RIT2: variants seen among roughly 807,000 people sequenced by gnomAD.
RIT2 encodes the protein Ras like without CAAX 2.
A neutral mutation model predicts 23.7 loss-of-function variants in RIT2; 24 were observed. That is an observed-to-expected ratio of 1.01 (90% CI 0.73 to 1.43). The LOEUF (loss-of-function observed/expected upper bound fraction) is 1.43, where lower values mean the gene tolerates loss of function less well. Ranked by LOEUF, RIT2 falls within the 40% of genes most tolerant of loss-of-function variation. RIT2 has a pLI of 0.00. For synonymous variants in RIT2, 107 were observed against 91.1 expected, an observed-to-expected ratio of 1.17 and a Z score of -0.99; for missense variants, 236 against 266.9, an observed-to-expected ratio of 0.88 and a Z score of 0.81.
chr18:43,111,669 A>G (rs1913956979), intron 1 of RIT2, among the ~76,000 whole-genome samples: 1 of 152,196 alleles, frequency 6.6e-6, no homozygotes, highest in Non-Finnish European at 1.5e-5. Context: ...TCTAGTCCTC[A>G]TCCTATACAT....
chr18:42,770,143 C>T (rs1913517570), intron 4 of RIT2, among the ~76,000 whole-genome samples: 1 of 151,894 alleles, frequency 6.6e-6, no homozygotes, highest in South Asian at 2.1e-4. Context: ...AGGAAGAATA[C>T]GGAATTGTCC....
intron 4 of RIT2, among the ~76,000 whole-genome samples, chr18:42,787,714 A>G (rs995568072): frequency 6.6e-6 from 1 of 152,122 alleles, no homozygotes. Flanking sequence ...AACTATTTTT[A>G]TCAGTCTCAT....
chr18:43,073,410 T>G (rs370070189), intron 1 of RIT2, among the ~76,000 whole-genome samples: 29 of 152,334 alleles, frequency 1.9e-4, no homozygotes, highest in South Asian at 1.0e-3. Flanking sequence ...GCTGCCAATA[T>G]TTTGTTCCTT....
chr18:43,055,109 T>C (rs1319738381), intron 1 of RIT2, among the ~76,000 whole-genome samples: 1 of 152,126 alleles, frequency 6.6e-6, no homozygotes, highest in Non-Finnish European at 1.5e-5. Context: ...TTTCTATGCC[T>C]TCTGAAAATA....
intron 1 of RIT2, among the ~76,000 whole-genome samples, chr18:43,048,166 A>T (rs373376375): frequency 3.3e-5 from 5 of 152,290 alleles, no homozygotes; most frequent in African/African-American, 9.6e-5. Flanking sequence ...CAACCATTTT[A>T]TTATATGGTT....
Position 42,801,619 on chromosome 18 carries a change from A to C in RIT2, c.427-57899T>G, listed in dbSNP as rs567541554. ...ATTTCCCATCTGAAATTCTGCAGCA[A>C]TAATGAAAATAAGCACTAACTTATG... On this transcript the variant is annotated intron_variant, in intron 4 of 4. Transcript: ENST00000326695. Among the ~76,000 whole-genome samples the C allele has an allele frequency of 6.6e-5, 10 of 152,318 alleles. No homozygotes were observed. The South Asian group carries it at 2.1e-3, about 32-fold the overall frequency.
intron 3 of RIT2, among the ~76,000 whole-genome samples, chr18:42,933,992 T>TG (rs1909392004): frequency 7.2e-6 from 1 of 138,646 alleles, no homozygotes; most frequent in Non-Finnish European, 1.5e-5. Context: ...CACTCCAGCC[T>TG]GGTGACAGAG....
At chr18:42,744,614 C>T (rs1912875732) in intron 4 of RIT2, among the ~76,000 whole-genome samples, 1 of 151,890 alleles carries the variant, frequency 6.6e-6, no homozygotes, top group Admixed American at 6.6e-5. Flanking sequence ...GATATTAATA[C>T]CTACCTCAAA....
At chr18:42,790,541 C>G (rs1598654950) in intron 4 of RIT2, among the ~76,000 whole-genome samples, 2 of 152,190 alleles carry the variant, frequency 1.3e-5, no homozygotes, top group African/African-American at 4.8e-5. Flanking sequence ...CTCCTGGGTT[C>G]AAGCAGCCTA....
At chr18:42,858,555 T>C (rs1462608933) in intron 4 of RIT2, among the ~76,000 whole-genome samples, 1 of 152,200 alleles carries the variant, frequency 6.6e-6, no homozygotes, top group Non-Finnish European at 1.5e-5. Flanking sequence ...GGAATGTAAT[T>C]AACATACCAT....
intron 1 of RIT2, among the ~76,000 whole-genome samples, chr18:43,050,008 C>T (rs1246692885): frequency 5.3e-5 from 4 of 75,468 alleles, no homozygotes; most frequent in East Asian, 8.8e-4. Flanking sequence ...TTTTAATGAA[C>T]GAGACATACT....
rs573700194 is a variant in RIT2 at position 42,807,377 on chromosome 18, G to A, written c.427-63657C>T. Among the ~76,000 whole-genome samples the A allele has an allele frequency of 3.3e-5, 5 of 152,300 alleles. 1 individual carries two copies. The highest frequency in any genetic ancestry group is 6.8e-3 in the Middle Eastern group (2 of 294). On this transcript the variant is annotated intron_variant, in intron 4 of 4. Transcript: ENST00000326695. The stretch of plus-strand genomic sequence containing the variant: ...CATTCCTGTAATTCCAGCACTTTGG[G>A]AAACCAAGGCAGGCGGATCACCTGA...
At chr18:42,770,089 C>T (rs1418133359) in intron 4 of RIT2, among the ~76,000 whole-genome samples, 1 of 151,812 alleles carries the variant, frequency 6.6e-6, no homozygotes, top group Non-Finnish European at 1.5e-5. Flanking sequence ...CCAGAGACTG[C>T]TTCATAGGGT....
intron 2 of RIT2, among the ~76,000 whole-genome samples, chr18:42,985,675 AT>A (rs1225925147): frequency 6.6e-6 from 1 of 152,174 alleles, no homozygotes; most frequent in African/African-American, 2.4e-5. Flanking sequence ...AAATATTGTA[AT>A]TTATATATTG....
chr18:43,039,137 T>C (rs1317257328), intron 1 of RIT2, among the ~76,000 whole-genome samples: 4 of 152,150 alleles, frequency 2.6e-5, no homozygotes, highest in Admixed American at 6.5e-5. Flanking sequence ...TTATCACTGC[T>C]GTGAAACATA....
chr18:42,937,960 T>C (rs957742019), intron 3 of RIT2, among the ~76,000 whole-genome samples: 2 of 152,160 alleles, frequency 1.3e-5, no homozygotes, highest in Admixed American at 6.5e-5. Context: ...TCCCTCTGAC[T>C]GAGGACTCCA....
At position 43,086,664 on chromosome 18, in the gene RIT2, G is replaced by A. The variant is rs1913290022; in HGVS notation, c.103+28753C>T. ...CGGCTGGCCAGAACAAGGCCCAGGG[G>A]CTCCCGTGACCAGTGAAATAAAGCA... On this transcript the variant is annotated intron_variant, in intron 1 of 4. Transcript: ENST00000326695. 2.0e-5 allele frequency among the ~76,000 whole-genome samples: 3 copies of A among 152,096 alleles called. No homozygotes were observed. In the South Asian group the frequency reaches 6.2e-4, roughly 32 times the overall value.
intron 4 of RIT2, among the ~76,000 whole-genome samples, chr18:42,830,475 A>T (rs1279097606): frequency 6.6e-6 from 1 of 152,214 alleles, no homozygotes. Context: ...GTTGCTGAGG[A>T]ATTTTCCAGG....
intron 4 of RIT2, among the ~76,000 whole-genome samples, chr18:42,782,687 A>G (rs1598651794): frequency 6.6e-6 from 1 of 152,276 alleles, no homozygotes; most frequent in Admixed American, 6.5e-5. Context: ...AGTGTTCATA[A>G]GGAGAATCAT....
Sources: allele counts gnomAD v4.1 joint callset (sites outside exome capture counted in the v4.1 genomes callset), GRCh38; gene constraint gnomAD v4.1.1; transcripts MANE v1.5; gene names NCBI Gene and HGNC (gene_info 2026-07-23, HGNC 2026-07-21).